The following HGF variants were observed in gnomAD, a reference collection of about 807,000 sequenced individuals.
The protein encoded by HGF is hepatocyte growth factor.
HGF carries 39 observed loss-of-function variants against 111.6 expected under a neutral mutation model. The observed-to-expected ratio is 0.35, with a 90% confidence interval of 0.27 to 0.46. The LOEUF (loss-of-function observed/expected upper bound fraction) is 0.46, where lower values mean the gene tolerates loss of function less well. Ranked by LOEUF, HGF falls within the 20% of genes least tolerant of loss-of-function variation. HGF has a pLI of 1.00. For missense variants in HGF, 735 were observed against 910.5 expected (o/e 0.81, Z 2.48); for synonymous variants, 285 against 294.8 (o/e 0.97, Z 0.34).
At chr7:81,728,554 T>C (rs1176392295) in intron 8 of HGF, among the ~76,000 whole-genome samples, 5 of 152,226 alleles carry the variant, frequency 3.3e-5, no homozygotes, top group Non-Finnish European at 7.3e-5. Context: ...GGGTCACGAA[T>C]AGAGAGTGAA....
intron 8 of HGF, among the ~76,000 whole-genome samples, 182 bp from the exon 9 acceptor site, chr7:81,726,199 C>G (rs1051107825): frequency 3.3e-5 from 5 of 152,162 alleles, no homozygotes. Context: ...GCCCAAATTA[C>G]TGAAATAAAT....
intron 7 of HGF, chr7:81,736,872 G>T (rs918171183): frequency 1.6e-5 from 6 of 376,106 alleles, no homozygotes; most frequent in South Asian, 1.2e-4. Context: ...TCACTGAAGG[G>T]TTTTTAATTT....
intron 10 of HGF, 76 bp from the exon 11 acceptor site, chr7:81,717,441 T>A (rs1217921101): frequency 1.5e-6 from 2 of 1,337,570 alleles, no homozygotes; most frequent in East Asian, 4.6e-5. Context: ...CAAAAAGATA[T>A]AATCTCAGCA....
Position 81,769,724 on chromosome 7 carries a change from C to CA in HGF, c.88+159dup, listed in dbSNP as rs5745610. ...TTCAAACAACAACAAAAAAGAATGT[C>CA]AAAAAAAGCATAATGAGAGCTTTTA... On this transcript the variant is annotated intron_variant, in intron 1 of 17. Transcript: ENST00000222390. 0.034 allele frequency among the ~76,000 whole-genome samples: 5,131 copies of CA among 151,868 alleles called. 183 individuals are homozygous for CA. The highest frequency in any genetic ancestry group is 0.096 in the African/African-American group (3,977 of 41,400).
chr7:81,715,802 C>T (rs1038870088), intron 11 of HGF, among the ~76,000 whole-genome samples: 4 of 152,096 alleles, frequency 2.6e-5, no homozygotes, highest in Non-Finnish European at 4.4e-5. Context: ...ATTATTTCTT[C>T]AATTTAATCT....
chr7:81,706,447 T>A lies in HGF; in HGVS notation c.1617-20A>T, dbSNP rs771151236. On this transcript the variant is annotated intron_variant, in intron 14 of 17. Coordinates refer to ENST00000222390, the MANE Select transcript of HGF (RefSeq NM_000601.6). ...AAGTCTCTGTTTTGAAGGAAAAAAA[T>A]TTAAATGTAAAACATAATAATTCCA... is the stretch of plus-strand genomic sequence containing the variant. 25 of 1,592,870 alleles carry A rather than the reference T, an allele frequency of 1.6e-5. No homozygotes were observed. The highest frequency in any genetic ancestry group is 1.3e-4 in the Admixed American group (8 of 59,776).
intron 9 of HGF, among the ~76,000 whole-genome samples, chr7:81,723,025 A>G (rs1019840516): frequency 6.6e-6 from 1 of 152,074 alleles, no homozygotes; most frequent in Admixed American, 6.6e-5. Flanking sequence ...GCAAATTTAC[A>G]TCAACGTTAA....
intron 7 of HGF, among the ~76,000 whole-genome samples, chr7:81,743,151 T>C (rs770067270): frequency 4.6e-5 from 7 of 152,232 alleles, no homozygotes; most frequent in Non-Finnish European, 1.0e-4. Flanking sequence ...TGTGTGTATT[T>C]GCATATTTAT....
intron 17 of HGF, among the ~76,000 whole-genome samples, chr7:81,704,820 G>C (rs1789379394): frequency 1.3e-5 from 2 of 151,770 alleles, no homozygotes; most frequent in South Asian, 4.1e-4. Context: ...AATAGGGATA[G>C]GAACATTGCC....
chr7:81,732,741 A>C (rs1018910579), intron 7 of HGF, among the ~76,000 whole-genome samples: 3 of 152,172 alleles, frequency 2.0e-5, no homozygotes, highest in African/African-American at 7.2e-5. Context: ...TAATCAGGAA[A>C]TATTAAGAGG....
rs574091827 is a variant in HGF, at chr7:81,766,884, A to G, written c.88+3000T>C. Among the ~76,000 whole-genome samples the G allele has an allele frequency of 3.3e-5, 5 of 152,342 alleles. No homozygotes were observed. In the South Asian group the frequency reaches 1.0e-3, roughly 32 times the overall value. Reference sequence around the variant, plus strand: ...TCGCATGACATTCATTTTAAAGACCACATGGTTGAGCATGACCTTCAATCC... The same window carrying G: ...TCGCATGACATTCATTTTAAAGACCGCATGGTTGAGCATGACCTTCAATCC... On this transcript the variant is annotated intron_variant, in intron 1 of 17. Coordinates refer to ENST00000222390, the MANE Select transcript of HGF (RefSeq NM_000601.6).
intron 9 of HGF, among the ~76,000 whole-genome samples, chr7:81,724,605 A>G (rs970991416): frequency 2.0e-5 from 3 of 152,308 alleles, no homozygotes; most frequent in Admixed American, 6.5e-5. Context: ...GTTCATGGGT[A>G]CATAGGTAGG....
chr7:81,751,189 A>C, intron 5 of HGF: 2 of 894,480 alleles, frequency 2.2e-6, no homozygotes, highest in Non-Finnish European at 2.7e-6. Flanking sequence ...ACAAACAGGT[A>C]AGATATCTTA....
chr7:81,764,554 G>A (rs1789262649), intron 1 of HGF, among the ~76,000 whole-genome samples: 1 of 152,062 alleles, frequency 6.6e-6, no homozygotes, highest in African/African-American at 2.4e-5. Flanking sequence ...CTTGTCAAAT[G>A]ACTTTTTAAT....
intron 7 of HGF, among the ~76,000 whole-genome samples, chr7:81,739,022 G>A (rs1344393861): frequency 1.3e-5 from 2 of 152,074 alleles, no homozygotes; most frequent in African/African-American, 4.8e-5. Context: ...ACTTAGATGT[G>A]CTATGAACAA....
rs1789271943 is a variant in HGF, at chr7:81,701,256, A to T, written c.*1325T>A. ...TAAACATATCTTGATAAAATATCTG[A>T]TTCAACAGATTCCACTCTACTTCAA... On this transcript the variant is annotated 3_prime_UTR_variant, in exon 18 of 18. Transcript: ENST00000222390. 1 of 151,450 alleles carries T rather than the reference A, an allele frequency of 6.6e-6. No homozygotes were observed. Among genetic ancestry groups the T allele is most frequent in the Admixed American group, 6.6e-5 (1 of 15,148 alleles). 9.4% of individuals were successfully genotyped at this position (151,450 alleles called of 1,614,324 possible).
chr7:81,728,418 A>G (rs1790075741), intron 8 of HGF, among the ~76,000 whole-genome samples: 1 of 152,190 alleles, frequency 6.6e-6, no homozygotes, highest in South Asian at 2.1e-4. Flanking sequence ...GGGTATTACT[A>G]GTCATTAGAA....
Position 81,701,932 on chromosome 7 carries a change from GAGGTAAAACTAT to G in HGF, c.*637_*648del, listed in dbSNP as rs1789290569. 2 of 160,876 alleles carry G rather than the reference GAGGTAAAACTAT, an allele frequency of 1.2e-5. No homozygotes were observed. The highest frequency in any genetic ancestry group is 1.3e-4 in the Admixed American group (2 of 15,396). The allele number at this position is 160,876 out of a possible 1,614,324, so 10.0% of individuals were successfully genotyped here. Reference sequence around the variant, plus strand: ...GTCTTTAGAGATTTCTGGTTTTTTTGAGGTAAAACTATAGGTACATACTTCTAAAATATTTAG... The same window carrying G: ...GTCTTTAGAGATTTCTGGTTTTTTTGAGGTACATACTTCTAAAATATTTAG... On this transcript the variant is annotated 3_prime_UTR_variant, in exon 18 of 18. Transcript: ENST00000222390.
intron 11 of HGF, among the ~76,000 whole-genome samples, chr7:81,713,559 G>C (rs952656753): frequency 6.6e-6 from 1 of 151,208 alleles, no homozygotes; most frequent in Admixed American, 6.6e-5. Context: ...AAAATTTGTA[G>C]ACACTATACA....
Sources: gnomAD v4.1 joint callset for allele counts (sites outside exome capture counted in the v4.1 genomes callset) on GRCh38, gnomAD v4.1.1 for gene constraint, MANE v1.5 for transcripts, NCBI Gene and HGNC (gene_info 2026-07-23, HGNC 2026-07-21) for gene names.